Variants in PXK observed in about 807,000 individuals in gnomAD.
PXK encodes PX domain containing serine/threonine kinase like, also known as PX domain-containing protein kinase-like protein.
A neutral mutation model predicts 84.7 loss-of-function variants in PXK; 35 were observed. The ratio of observed to expected loss-of-function variants is 0.41; its 90% CI spans 0.32 to 0.55. The LOEUF (loss-of-function observed/expected upper bound fraction) is 0.55. Ranked by LOEUF, PXK falls within the 20% of genes least tolerant of loss-of-function variation. The pLI is 0.21. For synonymous variants in PXK, 253 were observed against 260.8 expected (o/e 0.97, Z 0.29); for missense variants, 634 against 699.7 (o/e 0.91, Z 1.06).
chr3:58,342,516 TC>T (rs1393927681), intron 1 of PXK, among the ~76,000 whole-genome samples: 1 of 151,534 alleles, frequency 6.6e-6, no homozygotes, highest in African/African-American at 2.4e-5. Context: ...ATGCCTGTAG[TC>T]CCTGCTCCTC....
chr3:58,395,499 T>C (rs549088369), intron 8 of PXK, among the ~76,000 whole-genome samples, 159 bp from the exon 9 acceptor site: 1 of 152,350 alleles, frequency 6.6e-6, no homozygotes, highest in African/African-American at 2.4e-5. Flanking sequence ...AGCCTCTTTC[T>C]ATCAACAATG....
Position 58,409,918 on chromosome 3 carries a change from T to C in PXK, c.1396-172T>C, listed in dbSNP as rs768074226. On this transcript the variant is annotated intron_variant, in intron 15 of 17. Coordinates refer to ENST00000356151, the MANE Select transcript of PXK (RefSeq NM_017771.5). The surrounding 1 kb of genome is among the most constrained non-coding windows in gnomAD (Gnocchi z 4.2). ...AGCATTTTTTGTTTTATTTCTGCCT[T>C]TAGTTTTGGCTGTGACTTCTTCACT... Among the ~76,000 whole-genome samples the C allele has an allele frequency of 1.3e-5, 2 of 152,188 alleles. No homozygotes were observed. Among genetic ancestry groups the C allele is most frequent in the Non-Finnish European group, 1.5e-5 (1 of 68,038 alleles).
chr3:58,338,893 G>A (rs2097674682), intron 1 of PXK, among the ~76,000 whole-genome samples: 1 of 151,908 alleles, frequency 6.6e-6, no homozygotes. Context: ...ATGTTGGCCA[G>A]GCTGGTCTTG....
chr3:58,357,247 C>T (rs2098104078), intron 1 of PXK, among the ~76,000 whole-genome samples: 1 of 151,782 alleles, frequency 6.6e-6, no homozygotes, highest in African/African-American at 2.4e-5. Context: ...CGACTGCACT[C>T]CAGCCTGGGC....
chr3:58,368,926 C>G (rs1406928521), intron 2 of PXK, among the ~76,000 whole-genome samples: 8 of 152,176 alleles, frequency 5.3e-5, no homozygotes, highest in South Asian at 2.1e-4. Context: ...AGGGGGAACC[C>G]TGGGGAATCA....
rs2097540060 is a variant in PXK at position 58,333,790 on chromosome 3, T to C, written c.102+700T>C. Among the ~76,000 whole-genome samples, 1 of 152,172 alleles carries C rather than the reference T, an allele frequency of 6.6e-6. No homozygotes were observed. The highest frequency in any genetic ancestry group is 1.5e-5 in the Non-Finnish European group (1 of 68,040). ...AGCATAAAGGAGTAATAGGTCCTCA[T>C]AGTAAACATTGGCAGGGTTCATTTC... On this transcript the variant is annotated intron_variant, in intron 1 of 17. Coordinates refer to ENST00000356151, the MANE Select transcript of PXK (RefSeq NM_017771.5). The surrounding 1 kb of genome is among the most constrained non-coding windows in gnomAD (Gnocchi z 5.4).
chr3:58,390,240 A>G lies in PXK; in HGVS notation c.389-342A>G, dbSNP rs891118758. Among the ~76,000 whole-genome samples, 4 of 152,056 alleles carry G rather than the reference A, an allele frequency of 2.6e-5. No individual in the cohort carries two copies. Among genetic ancestry groups the G allele is most frequent in the Non-Finnish European group, 5.9e-5 (4 of 68,006 alleles). ...ATGATAGTACAGAAAATTGCCATAT[A>G]CTTCTCACCCAGTTTCTCCTAATGT... On this transcript the variant is annotated intron_variant, in intron 4 of 17. Transcript: ENST00000356151. The surrounding 1 kb of genome is among the most constrained non-coding windows in gnomAD (Gnocchi z 4.2).
rs2060633169 is a variant in PXK, at chr3:58,414,186, GGACTATATTAAGCCATT to G, written c.1528+1224_1528+1240del. The G allele has an allele frequency of 6.6e-6, 1 of 152,080 alleles. No individual in the cohort carries two copies. The highest frequency in any genetic ancestry group is 1.5e-5 in the Non-Finnish European group (1 of 68,018). 9.4% of individuals were successfully genotyped at this position (152,080 alleles called of 1,614,324 possible). A position where few individuals can be genotyped will look rare whatever the true frequency, so the allele number is the denominator to read the frequency against. On this transcript the variant is annotated intron_variant, in intron 17 of 17. Transcript: ENST00000356151. The surrounding 1 kb of genome is among the most constrained non-coding windows in gnomAD (Gnocchi z 4.5). Reference sequence around the variant, plus strand: ...AGAAATGTCTGGTGATCTACTGCCCGGACTATATTAAGCCATTTTCTAGAAGATAGGATATTAATTTA... The same window carrying G: ...AGAAATGTCTGGTGATCTACTGCCCGTTCTAGAAGATAGGATATTAATTTA...
At position 58,397,716 on chromosome 3, in the gene PXK, G is replaced by A; in HGVS notation, c.1096G>A (p.Ala366Thr). 1 of 1,612,554 alleles carries A rather than the reference G, an allele frequency of 6.2e-7. No individual in the cohort carries two copies. The highest frequency in any genetic ancestry group is 8.5e-7 in the Non-Finnish European group (1 of 1,178,632). Residue 366 changes from alanine to threonine, a missense_variant, in exon 11 of 18, where the codon GCT becomes ACT. Ala to Thr is a moderately conservative substitution (Grantham distance 58). This residue lies in a region of PXK where 273 missense variants were observed against 283.6 expected (regional missense o/e 0.96). Transcript: ENST00000356151. This position sits in a 1 kb window ranked among gnomAD's most constrained non-coding sequence, Gnocchi z 4.7. ...VDSFPPAPSM[A>T]VVAVLESTLS... is the part of the protein sequence containing the mutation. ...CTCCTTCCCTCCTGCCCCGTCCATG[G>A]CTGTGGGTCAGTATGGGGTTGGGAA...
chr3:58,352,875 C>T (rs538444608), intron 1 of PXK, among the ~76,000 whole-genome samples: 9 of 152,196 alleles, frequency 5.9e-5, no homozygotes, highest in Admixed American at 1.3e-4. Context: ...TCAAAAGGCC[C>T]GGAGAAGGGA....
rs978695801 is a variant in PXK at position 58,333,489 on chromosome 3, G to C, written c.102+399G>C. On this transcript the variant is annotated intron_variant, in intron 1 of 17. Transcript: ENST00000356151. The surrounding 1 kb of genome is among the most constrained non-coding windows in gnomAD (Gnocchi z 5.4). ...CGCCAGCCTTTTCCTTTTTGAGGCCGTGTAATTTCCTCCTTGCAGCTGAGG... is the reference window on the plus strand; with the variant it reads ...CGCCAGCCTTTTCCTTTTTGAGGCCCTGTAATTTCCTCCTTGCAGCTGAGG... 2 of 454,954 alleles carry C rather than the reference G, an allele frequency of 4.4e-6. No individual in the cohort carries two copies. The highest frequency in any genetic ancestry group is 8.9e-6 in the Non-Finnish European group (2 of 225,878). The allele number at this position is 454,954 out of a possible 1,614,324, so 28.2% of individuals were successfully genotyped here.
chr3:58,354,998 A>G (rs548393248), intron 1 of PXK, among the ~76,000 whole-genome samples: 12 of 152,246 alleles, frequency 7.9e-5, no homozygotes, highest in African/African-American at 2.9e-4. Context: ...GTGCGCCTGT[A>G]GTCGCAGCTA....
chr3:58,344,215 ATTTGT>A (rs2097780065), intron 1 of PXK, among the ~76,000 whole-genome samples: 1 of 152,168 alleles, frequency 6.6e-6, no homozygotes, highest in Admixed American at 6.5e-5. Flanking sequence ...CATAAATGTC[ATTTGT>A]TTTGTTGTTT....
At chr3:58,418,904 A>T (rs2061397302) in intron 17 of PXK, among the ~76,000 whole-genome samples, 1 of 152,178 alleles carries the variant, frequency 6.6e-6, no homozygotes, top group African/African-American at 2.4e-5. Context: ...CAACTCGCAA[A>T]ACAGATGAAT....
intron 3 of PXK, among the ~76,000 whole-genome samples, chr3:58,373,208 G>T (rs2098402001): frequency 6.6e-6 from 1 of 151,390 alleles, no homozygotes; most frequent in South Asian, 2.1e-4. Flanking sequence ...CTCCTGAGTA[G>T]CTAAGACTAC....
Position 58,409,075 on chromosome 3 carries a change from T to C in PXK, c.1308+74T>C, listed in dbSNP as rs1000784334. On this transcript the variant is annotated intron_variant, in intron 14 of 17. Coordinates refer to ENST00000356151, the MANE Select transcript of PXK (RefSeq NM_017771.5). The surrounding 1 kb of genome is among the most constrained non-coding windows in gnomAD (Gnocchi z 4.2). ...CCGTGGTTTTTATAGTGATTGACCT[T>C]TGACTGTTCCCTCTGCAAATATTTT... The C allele has an allele frequency of 2.3e-5, 26 of 1,108,882 alleles. No homozygotes were observed. The highest frequency in any genetic ancestry group is 3.2e-5 in the Non-Finnish European group (24 of 742,444). 68.7% of individuals were successfully genotyped at this position (1,108,882 alleles called of 1,614,324 possible).
intron 1 of PXK, among the ~76,000 whole-genome samples, chr3:58,357,795 C>T (rs903571736): frequency 6.6e-6 from 1 of 151,932 alleles, no homozygotes; most frequent in South Asian, 2.1e-4. Flanking sequence ...ACTAAAAATA[C>T]AAAAATTAGC....
chr3:58,413,611 A>ATCTT (rs36024818), intron 17 of PXK: 44,871 of 151,982 alleles, frequency 0.3, 7,341 homozygotes, highest in Middle Eastern at 0.39. Flanking sequence ...CCATAATACT[A>ATCTT]TCTTTTATTT....
rs542517172 is a variant in PXK, at chr3:58,336,844, C to T, written c.102+3754C>T. ...TTGGGGGGTGGGGGACAGAGTCTCG[C>T]TCTGTCACCAGACTAGAGTGCAGGT... On this transcript the variant is annotated intron_variant, in intron 1 of 17. Coordinates refer to ENST00000356151, the MANE Select transcript of PXK (RefSeq NM_017771.5). Among the ~76,000 whole-genome samples the T allele has an allele frequency of 1.4e-4, 21 of 152,250 alleles. No homozygotes were observed. The South Asian group carries it at 4.1e-3, about 30-fold the overall frequency.
Sources: gnomAD v4.1 joint callset for allele counts (sites outside exome capture counted in the v4.1 genomes callset) on GRCh38, gnomAD v4.1.1 for gene constraint, gnomAD v4.1.1 regional missense constraint, Gnocchi (gnomAD v3.1) non-coding constraint, MANE v1.5 for transcripts, NCBI Gene and HGNC (gene_info 2026-07-23, HGNC 2026-07-21) for gene names.